Variants in TBL1XR1 observed in about 807,000 individuals in gnomAD.
The protein encoded by TBL1XR1 is TBL1X/Y related 1, also known as F-box-like/WD repeat-containing protein TBL1XR1.
A neutral mutation model predicts 66.9 loss-of-function variants in TBL1XR1; 5 were observed. The ratio of observed to expected loss-of-function variants is 0.07; its 90% CI spans 0.04 to 0.16. The LOEUF is 0.16. Ranked by LOEUF, TBL1XR1 falls within the 10% of genes least tolerant of loss-of-function variation. The probability of loss-of-function intolerance (pLI) is 1.00; values close to 1 mark genes in which losing one functional copy is unlikely to be tolerated. For missense variants in TBL1XR1, 238 were observed against 623.2 expected, an observed-to-expected ratio of 0.38 and a Z score of 6.58; for synonymous variants, 210 against 206.0, an observed-to-expected ratio of 1.02 and a Z score of -0.17.
chr3:177,102,357 G>A (rs951280952), intron 1 of TBL1XR1, among the ~76,000 whole-genome samples: 2 of 152,062 alleles, frequency 1.3e-5, no homozygotes, highest in African/African-American at 4.8e-5. Context: ...AATTAATCTG[G>A]AAAATTTCTA....
chr3:177,037,995 C>T (rs2108435747), intron 12 of TBL1XR1, 103 bp downstream of exon 12: 1 of 962,074 alleles, frequency 1.0e-6, no homozygotes, highest in Non-Finnish European at 1.6e-6. Context: ...CATGCAGGTA[C>T]AAACACTCCA....
Position 177,106,386 on chromosome 3 carries a change from G to A in TBL1XR1, c.-121-7845C>T, listed in dbSNP as rs950678434. Among the ~76,000 whole-genome samples, 40 of 152,154 alleles carry A rather than the reference G, an allele frequency of 2.6e-4. 1 individual carries two copies. The highest frequency in any genetic ancestry group is 3.4e-4 in the Non-Finnish European group (23 of 68,024). ...ATGAGCTGAAGTTTGTTCTACGTGC[G>A]CCCCATCCCTTTCTAACTTAGCACT... On this transcript the variant is annotated intron_variant, in intron 1 of 15. Coordinates refer to ENST00000457928, the MANE Select transcript of TBL1XR1 (RefSeq NM_024665.7).
intron 1 of TBL1XR1, among the ~76,000 whole-genome samples, chr3:177,121,489 C>G (rs773687431): frequency 6.6e-6 from 1 of 152,128 alleles, no homozygotes; most frequent in African/African-American, 2.4e-5. Flanking sequence ...TGACTTCACA[C>G]GCATCTTTCT....
intron 1 of TBL1XR1, among the ~76,000 whole-genome samples, chr3:177,101,287 A>G (rs1724179626): frequency 6.7e-6 from 1 of 149,318 alleles, no homozygotes; most frequent in South Asian, 2.2e-4. Flanking sequence ...TTTTAGATGC[A>G]ATTTTTTTTT....
intron 1 of TBL1XR1, among the ~76,000 whole-genome samples, chr3:177,165,941 T>C (rs1473859398): frequency 6.9e-6 from 1 of 145,030 alleles, no homozygotes; most frequent in East Asian, 2.0e-4. Context: ...CCACAAAAAA[T>C]TAGCTGGACA....
At chr3:177,101,328 G>A (rs1268649397) in intron 1 of TBL1XR1, among the ~76,000 whole-genome samples, 1 of 152,008 alleles carries the variant, frequency 6.6e-6, no homozygotes, top group Admixed American at 6.5e-5. Flanking sequence ...GCCTGTTTTG[G>A]TGAGGCTTGG....
chr3:177,026,252 A>T, intron 15 of TBL1XR1, 121 bp downstream of exon 15: 1 of 792,180 alleles, frequency 1.3e-6, no homozygotes, highest in Non-Finnish European at 2.0e-6. Context: ...GGAAAAAAAA[A>T]AATCAGTATC....
upstream of TBL1XR1, among the ~76,000 whole-genome samples, chr3:177,198,094 ATC>A (rs1338106630): frequency 6.6e-6 from 1 of 152,008 alleles, no homozygotes; most frequent in Admixed American, 6.6e-5. Context: ...GTTTGTGAAA[ATC>A]TCTGTGAACA....
At chr3:177,058,662 A>T (rs999809929) in intron 3 of TBL1XR1, among the ~76,000 whole-genome samples, 2 of 152,204 alleles carry the variant, frequency 1.3e-5, no homozygotes, top group Non-Finnish European at 2.9e-5. Context: ...AAGGGGATAT[A>T]AGCATTTTAA....
At chr3:177,196,515 C>G (rs1403404464) in intron 1 of TBL1XR1, 1 of 148,332 alleles carries the variant, frequency 6.7e-6, no homozygotes, top group African/African-American at 2.4e-5. Context: ...CCCGGACGCG[C>G]GGCCCCAACA....
chr3:177,069,814 AAGG>A (rs750892241), intron 2 of TBL1XR1, among the ~76,000 whole-genome samples: 11 of 133,652 alleles, frequency 8.2e-5, no homozygotes, highest in African/African-American at 2.3e-4. Flanking sequence ...GGAAGGAAGG[AAGG>A]AAGGAAGGAA....
At chr3:177,083,646 GC>G (rs1721727977) in intron 2 of TBL1XR1, among the ~76,000 whole-genome samples, 1 of 151,988 alleles carries the variant, frequency 6.6e-6, no homozygotes, top group East Asian at 1.9e-4. Flanking sequence ...TATCCACATA[GC>G]TACCACCTAC....
intron 1 of TBL1XR1, among the ~76,000 whole-genome samples, chr3:177,127,080 A>G (rs1451126271): frequency 6.6e-6 from 1 of 152,228 alleles, no homozygotes; most frequent in Non-Finnish European, 1.5e-5. Flanking sequence ...AATCTGCCAC[A>G]GATTATAATC....
chr3:177,178,916 G>A (rs963089123), intron 1 of TBL1XR1, among the ~76,000 whole-genome samples: 2 of 151,968 alleles, frequency 1.3e-5, no homozygotes, highest in African/African-American at 2.4e-5. Flanking sequence ...TCAGGAGATC[G>A]AGACCATCCT....
chr3:177,177,887 CAA>C (rs1299096120), intron 1 of TBL1XR1, among the ~76,000 whole-genome samples: 1 of 151,436 alleles, frequency 6.6e-6, no homozygotes, highest in Non-Finnish European at 1.5e-5. Flanking sequence ...AAAAAAAAAA[CAA>C]TGATCAAAGT....
At chr3:177,109,908 AGACAATGATGT>A (rs2108714569) in intron 1 of TBL1XR1, among the ~76,000 whole-genome samples, 1 of 152,260 alleles carries the variant, frequency 6.6e-6, no homozygotes, top group South Asian at 2.1e-4. Flanking sequence ...TTCTGTGTAC[AGACAATGATGT>A]ATGAAGACGT....
chr3:177,036,681 A>T (rs965370429), intron 12 of TBL1XR1, among the ~76,000 whole-genome samples: 1 of 152,236 alleles, frequency 6.6e-6, no homozygotes, highest in Admixed American at 6.5e-5. Flanking sequence ...TATTAATACT[A>T]GCAATTTTGT....
chr3:177,172,987 A>AC (rs1203994148), intron 1 of TBL1XR1, among the ~76,000 whole-genome samples: 2 of 152,140 alleles, frequency 1.3e-5, no homozygotes, highest in East Asian at 3.9e-4. Flanking sequence ...AGCCTGAACA[A>AC]CAAGGAGAAA....
intron 2 of TBL1XR1, among the ~76,000 whole-genome samples, chr3:177,072,950 G>A (rs1393703306): frequency 6.6e-6 from 1 of 152,108 alleles, no homozygotes; most frequent in Non-Finnish European, 1.5e-5. Flanking sequence ...TGTAATCTCA[G>A]CTACTTGGGG....
Sources: gnomAD v4.1 joint callset for allele counts (sites outside exome capture counted in the v4.1 genomes callset) on GRCh38, gnomAD v4.1.1 for gene constraint, MANE v1.5 for transcripts, NCBI Gene and HGNC (gene_info 2026-07-23, HGNC 2026-07-21) for gene names.